The following OSBPL5 variants were observed in gnomAD, a reference collection of about 807,000 sequenced individuals.
The protein encoded by OSBPL5 is oxysterol binding protein like 5, also known as oxysterol-binding protein-related protein 5.
A neutral mutation model predicts 111.2 loss-of-function variants in OSBPL5; 71 were observed. The observed-to-expected ratio is 0.64, with a 90% confidence interval of 0.53 to 0.78. OSBPL5 has a LOEUF of 0.78. OSBPL5 is among the 30% of genes least tolerant of loss of function. The pLI is 0.00. For synonymous variants in OSBPL5, 549 were observed against 513.9 expected (o/e 1.07, Z -0.93); for missense variants, 1,210 against 1,189.3 (o/e 1.02, Z -0.26).
intron 7 of OSBPL5, among the ~76,000 whole-genome samples, chr11:3,114,592 T>C (rs7112254): frequency 0.17 from 1,544 of 9,034 alleles, 221 homozygotes; most frequent in African/African-American, 0.44. Context: ...AGAACAATGA[T>C]TTTTTTTTTT....
At chr11:3,125,253 A>C (rs1300908706) in intron 3 of OSBPL5, among the ~76,000 whole-genome samples, 1 of 152,146 alleles carries the variant, frequency 6.6e-6, no homozygotes, top group Non-Finnish European at 1.5e-5. Flanking sequence ...ATTTAGAACC[A>C]CCTACGGAAT....
chr11:3,088,872 G>A (rs1856963015), intron 21 of OSBPL5, among the ~76,000 whole-genome samples: 1 of 152,148 alleles, frequency 6.6e-6, no homozygotes, highest in Non-Finnish European at 1.5e-5. Context: ...CAGCCCTGTG[G>A]CACCGAGATC....
chr11:3,164,989 G>T (rs1847076041), intron 1 of OSBPL5, among the ~76,000 whole-genome samples: 1 of 151,098 alleles, frequency 6.6e-6, no homozygotes, highest in African/African-American at 2.4e-5. Context: ...GCGCCCCCAG[G>T]CTCCCGCGCT....
rs976443783 is a variant in OSBPL5, at chr11:3,142,721, G to A, written c.-21-13552C>T. Among the ~76,000 whole-genome samples the A allele has an allele frequency of 9.2e-5, 14 of 152,236 alleles. No homozygotes were observed. Among genetic ancestry groups the A allele is most frequent in the South Asian group, 2.1e-4 (1 of 4,804 alleles). ...CCTGTCCCTCTGTCTCCGTGTCCGC[G>A]GGGCCCGGCAGGAAGTCGTGTGCAG... On this transcript the variant is annotated intron_variant, in intron 1 of 21. Transcript: ENST00000263650. This position sits in a 1 kb window ranked among gnomAD's most constrained non-coding sequence, Gnocchi z 7.1.
chr11:3,112,033 G>GCA (rs146766227), intron 7 of OSBPL5, among the ~76,000 whole-genome samples: 1 of 113,164 alleles, frequency 8.8e-6, no homozygotes, highest in African/African-American at 3.6e-5. Flanking sequence ...GCATGTGTGT[G>GCA]TATGTGTGCG....
rs1564830137 is a variant in OSBPL5, at chr11:3,103,785, T to TACC, written c.1244+407_1244+408insGGT. On this transcript the variant is annotated intron_variant, in intron 10 of 21. Transcript: ENST00000263650. ...TGCAGCCCCCTTCCAGCCTCTGCAG[T>TACC]CCCTTCCTGCCTCTGCAGCCCTCTT... is the stretch of plus-strand genomic sequence containing the variant. 3.3e-4 allele frequency among the ~76,000 whole-genome samples: 18 copies of TACC among 55,052 alleles called. 3 individuals are homozygous for TACC. In the East Asian group the frequency reaches 5.2e-3, roughly 16 times the overall value. The allele number at this position is 55,052 out of a possible 152,430, so 36.1% of individuals were successfully genotyped here.
Position 3,088,231 on chromosome 11 carries a change from G to A in OSBPL5, c.2614C>T (p.Leu872=). 1 of 1,603,328 alleles carries A rather than the reference G, an allele frequency of 6.2e-7. No individual in the cohort carries two copies. Among genetic ancestry groups the A allele is most frequent in the Non-Finnish European group, 8.5e-7 (1 of 1,174,616 alleles). Residue 872 remains leucine, a synonymous_variant, in exon 22 of 22, where the codon CTG becomes TTG. Coordinates refer to ENST00000263650, the MANE Select transcript of OSBPL5 (RefSeq NM_020896.4). ...TATTTGAGGATGTGGTTAATGAACA[G>A]CTGACACGCCAGGAACACGCAGAGC... ...FLLCVFLACQ[L]FINHILK is the part of the protein sequence containing the mutation.
In OSBPL5 at chr11:3,087,800, G is replaced by GGCTCCCTGGCT. The variant is rs71035475; in HGVS notation, c.*404_*405insAGCCAGGGAGC. ...GTGGGGGGACTCCTGGGCCACTCGG[G>GGCTCCCTGGCT]GCTCCTCCAAACCTGCCCACTCACT... On this transcript the variant is annotated 3_prime_UTR_variant, in exon 22 of 22. Transcript: ENST00000263650. 99,412 of 159,242 alleles carry GGCTCCCTGGCT rather than the reference G, an allele frequency of 0.62. 31,636 individuals carry two copies. The highest frequency in any genetic ancestry group is 0.81 in the East Asian group (4,467 of 5,482). 9.9% of individuals were successfully genotyped at this position (159,242 alleles called of 1,614,324 possible).
Position 3,121,324 on chromosome 11 carries a change from T to C in OSBPL5, c.402+673A>G, listed in dbSNP as rs1858408895. Among the ~76,000 whole-genome samples, 3 of 152,212 alleles carry C rather than the reference T, an allele frequency of 2.0e-5. No individual in the cohort carries two copies. In the South Asian group the frequency reaches 6.2e-4, roughly 32 times the overall value. On this transcript the variant is annotated intron_variant, in intron 5 of 21. Transcript: ENST00000263650. This position sits in a 1 kb window ranked among gnomAD's most constrained non-coding sequence, Gnocchi z 4.3. Reference sequence around the variant, plus strand: ...CCACCCGCCTTAGCCTCCCAAAGTGTTGGGATTACAGGTGTGAGCCACTGC... The same window carrying C: ...CCACCCGCCTTAGCCTCCCAAAGTGCTGGGATTACAGGTGTGAGCCACTGC...
intron 1 of OSBPL5, among the ~76,000 whole-genome samples, chr11:3,129,892 C>T (rs1043694078): frequency 2.0e-5 from 3 of 152,236 alleles, no homozygotes; most frequent in African/African-American, 7.2e-5. Context: ...GCCCCACAGC[C>T]AGGCCCTGAC....
At chr11:3,155,491 T>C (rs1590734609) in intron 1 of OSBPL5, among the ~76,000 whole-genome samples, 1 of 111,330 alleles carries the variant, frequency 9.0e-6, no homozygotes, top group African/African-American at 3.6e-5. Context: ...GCTTTGCCAC[T>C]CCCCCCAGCT....
chr11:3,100,761 A>G (rs1396815015), intron 13 of OSBPL5, among the ~76,000 whole-genome samples: 5 of 152,118 alleles, frequency 3.3e-5, no homozygotes, highest in Non-Finnish European at 7.4e-5. Context: ...ACACCTGCCC[A>G]TGGATGAAAC....
At chr11:3,116,487 G>C (rs1378674580) in intron 7 of OSBPL5, among the ~76,000 whole-genome samples, 1 of 152,110 alleles carries the variant, frequency 6.6e-6, no homozygotes, top group Admixed American at 6.6e-5. Flanking sequence ...AAACTTTCAG[G>C]GTTCATGGAG....
In OSBPL5 at chr11:3,088,226, G is replaced by C; in HGVS notation, c.2619C>G (p.Phe873Leu). ...LLCVFLACQL[F>L]INHILK is the part of the protein sequence containing the mutation. Reference sequence around the variant, plus strand: ...GCTCCTATTTGAGGATGTGGTTAATGAACAGCTGACACGCCAGGAACACGC... The same window carrying C: ...GCTCCTATTTGAGGATGTGGTTAATCAACAGCTGACACGCCAGGAACACGC... Residue 873 changes from phenylalanine to leucine, a missense_variant, in exon 22 of 22, where the codon TTC becomes TTG. Transcript: ENST00000263650. 1 of 1,601,598 alleles carries C rather than the reference G, an allele frequency of 6.2e-7. No individual in the cohort carries two copies. Among genetic ancestry groups the C allele is most frequent in the Non-Finnish European group, 8.5e-7 (1 of 1,173,694 alleles).
intron 14 of OSBPL5, among the ~76,000 whole-genome samples, chr11:3,095,688 A>G (rs1165863439): frequency 1.3e-5 from 2 of 152,202 alleles, no homozygotes; most frequent in Non-Finnish European, 2.9e-5. Context: ...GGGGAAAAAA[A>G]TCATTATTTT....
intron 10 of OSBPL5, 103 bp from the exon 11 acceptor site, chr11:3,103,423 G>T: frequency 2.8e-6 from 3 of 1,068,948 alleles, no homozygotes; most frequent in Non-Finnish European, 4.1e-6. Context: ...CAACCACTCA[G>T]CTGGAAACAG....
intron 1 of OSBPL5, among the ~76,000 whole-genome samples, chr11:3,138,781 G>T (rs570624192): frequency 6.6e-6 from 1 of 151,080 alleles, no homozygotes; most frequent in African/African-American, 2.5e-5. Context: ...ACCCAGGTGG[G>T]GGACCAAGGG....
intron 14 of OSBPL5, among the ~76,000 whole-genome samples, chr11:3,095,690 C>T (rs1461794042): frequency 1.3e-5 from 2 of 151,756 alleles, no homozygotes; most frequent in Admixed American, 6.6e-5. Context: ...GGAAAAAAAT[C>T]ATTATTTTGA....
Position 3,141,185 on chromosome 11 carries a change from G to A in OSBPL5, c.-21-12016C>T, listed in dbSNP as rs1590708632. On this transcript the variant is annotated intron_variant, in intron 1 of 21. Transcript: ENST00000263650. This position sits in a 1 kb window ranked among gnomAD's most constrained non-coding sequence, Gnocchi z 6.5. ...CTGACAGCCACCCAGGCTTCCCCCC[G>A]CCCAGCAGACAGTATCGTCATCATG... Among the ~76,000 whole-genome samples the A allele has an allele frequency of 2.0e-5, 3 of 152,236 alleles. No homozygotes were observed. The highest frequency in any genetic ancestry group is 1.9e-4 in the East Asian group (1 of 5,176).
Sources: allele counts gnomAD v4.1 joint callset (sites outside exome capture counted in the v4.1 genomes callset), GRCh38; gene constraint gnomAD v4.1.1; non-coding constraint Gnocchi (gnomAD v3.1); transcripts MANE v1.5; gene names NCBI Gene and HGNC (gene_info 2026-07-23, HGNC 2026-07-21).